Variants in SLC44A4 observed in about 807,000 individuals in gnomAD.
SLC44A4 encodes solute carrier family 44 member 4, also known as choline transporter-like protein 4.
A neutral mutation model predicts 97.0 loss-of-function variants in SLC44A4; 74 were observed. That is an observed-to-expected ratio of 0.76 (90% CI 0.63 to 0.93). The LOEUF is 0.93. Ranked by LOEUF, SLC44A4 falls within the 40% of genes least tolerant of loss-of-function variation. The pLI is 0.00. For missense variants in SLC44A4, 799 were observed against 902.9 expected (o/e 0.88, Z 1.48); for synonymous variants, 325 against 363.8 (o/e 0.89, Z 1.21).
rs771066617 is a variant in SLC44A4, at chr6:31,876,103, A to C, written c.116T>G (p.Val39Gly). 13 of 1,614,024 alleles carry C rather than the reference A, an allele frequency of 8.1e-6. No individual in the cohort carries two copies. The highest frequency in any genetic ancestry group is 1.0e-5 in the Non-Finnish European group (12 of 1,180,000). Residue 39 changes from valine to glycine, a missense_variant, in exon 3 of 21, where the codon GTC becomes GGC. Physicochemically the swap from Val to Gly is moderately radical, Grantham distance 109. Coordinates refer to ENST00000229729, the MANE Select transcript of SLC44A4 (RefSeq NM_025257.3). The surrounding 1 kb of genome is among the most constrained non-coding windows in gnomAD (Gnocchi z 4.8). Reference protein sequence around the residue: ...NRSCTDVICCVLFLLFILGYI... With the variant: ...NRSCTDVICCGLFLLFILGYI... ...ACCTAGAATGAAGAGCAGGAAGAGG[A>C]CGCAGCAGATGACATCTGTGCAGCT... is the stretch of plus-strand genomic sequence containing the variant.
At chr6:31,871,258 G>A in intron 9 of SLC44A4, 56 bp downstream of exon 9, 1 of 1,524,998 alleles carries the variant, frequency 6.6e-7, no homozygotes, top group Non-Finnish European at 9.1e-7. Context: ...CGAGGGGGTA[G>A]AGGATCAGGG....
chr6:31,875,779 G>T, intron 4 of SLC44A4, 73 bp downstream of exon 4: 2 of 1,361,394 alleles, frequency 1.5e-6, no homozygotes, highest in South Asian at 1.3e-5. Context: ...TCTGGAGCCT[G>T]AGTTGGGGGG....
chr6:31,866,239 T>C, intron 13 of SLC44A4, 113 bp from the exon 14 acceptor site: 2 of 1,364,736 alleles, frequency 1.5e-6, no homozygotes, highest in Admixed American at 2.2e-5. Context: ...AGGTGGGAAG[T>C]AGCTTCTCTG....
rs538679429 is a variant in SLC44A4 at position 31,863,548 on chromosome 6, T to TG, written c.*78dup. On this transcript the variant is annotated 3_prime_UTR_variant, in exon 21 of 21. Transcript: ENST00000229729. ...CCTAAAACCTTTTTTTACCACAAAATGGAGACCTGTAAGGCGAAGTGAGGT... is the reference window on the plus strand; with the variant it reads ...CCTAAAACCTTTTTTTACCACAAAATGGGAGACCTGTAAGGCGAAGTGAGGT... 18 of 1,524,078 alleles carry TG rather than the reference T, an allele frequency of 1.2e-5. No individual in the cohort carries two copies. The South Asian group carries it at 1.9e-4, about 16-fold the overall frequency. The allele number at this position is 1,524,078 out of a possible 1,614,324, so 94.4% of individuals were successfully genotyped here.
rs1763461185 is a variant in SLC44A4, at chr6:31,876,656, T to C, written c.89+378A>G. On this transcript the variant is annotated intron_variant, in intron 2 of 20. Coordinates refer to ENST00000229729, the MANE Select transcript of SLC44A4 (RefSeq NM_025257.3). This position sits in a 1 kb window ranked among gnomAD's most constrained non-coding sequence, Gnocchi z 4.8. ...CGGAAGGCTAGGGCAGGAGGATCAC[T>C]TGAGCACAGGAGTTCGAGCCTGCAG... Among the ~76,000 whole-genome samples the C allele has an allele frequency of 6.6e-6, 1 of 152,018 alleles. No individual in the cohort carries two copies. The highest frequency in any genetic ancestry group is 1.9e-4 in the East Asian group (1 of 5,172).
intron 7 of SLC44A4, among the ~76,000 whole-genome samples, chr6:31,873,001 C>T (rs540987278): frequency 1.3e-5 from 2 of 152,070 alleles, no homozygotes; most frequent in South Asian, 2.1e-4. Flanking sequence ...TTCAGCCTCC[C>T]GAGTAGCTGG....
At position 31,866,012 on chromosome 6, in the gene SLC44A4, G is replaced by T; in HGVS notation, c.1348C>A (p.Leu450Ile). ...AGTACCCAGTTAAGGGTCCAGAAGA[G>T]CCCCAGGACCCCATAGATTTGCAGA... Reference protein sequence around the residue: ...FNLQIYGVLGLFWTLNWVLAL... With the variant: ...FNLQIYGVLGIFWTLNWVLAL... The change falls in exon 14 of 21, where the codon CTC (leucine) becomes ATC (isoleucine). Residue 450 changes from leucine (L) to isoleucine (I), a missense_variant. Physicochemically the swap from Leu to Ile is conservative, Grantham distance 5. This residue lies in a region of SLC44A4 where 379 missense variants were observed against 438.3 expected (regional missense o/e 0.86). Coordinates refer to ENST00000229729, the MANE Select transcript of SLC44A4 (RefSeq NM_025257.3). 6.2e-7 allele frequency: 1 copy of T among 1,614,220 alleles called. No homozygotes were observed. Among genetic ancestry groups the T allele is most frequent in the Non-Finnish European group, 8.5e-7 (1 of 1,180,034 alleles).
Position 31,876,816 on chromosome 6 carries a change from G to A in SLC44A4, c.89+218C>T, listed in dbSNP as rs139420289. ...GGTGAGTTCTCTCGCTTGTGAAGCC[G>A]GCACTTAAGTCAAGAAACAGAACAT... On this transcript the variant is annotated intron_variant, in intron 2 of 20. Transcript: ENST00000229729. This position sits in a 1 kb window ranked among gnomAD's most constrained non-coding sequence, Gnocchi z 4.8. 2.1e-4 allele frequency among the ~76,000 whole-genome samples: 32 copies of A among 151,878 alleles called. No individual in the cohort carries two copies. Among genetic ancestry groups the A allele is most frequent in the African/African-American group, 7.3e-4 (30 of 41,346 alleles).
In SLC44A4 at chr6:31,864,737, C is replaced by T. The variant is rs1562440502; in HGVS notation, c.1927-1G>A. On this transcript the variant is annotated splice_acceptor_variant, in intron 19 of 20. Transcript: ENST00000229729. LOFTEE classifies it high-confidence loss of function. ...TGACATAGGCCCCCAGGATGGAGGTCTGGAAGACATGACCCGTTGGGGTTA... is the reference window on the plus strand; with the variant it reads ...TGACATAGGCCCCCAGGATGGAGGTTTGGAAGACATGACCCGTTGGGGTTA... 1 of 1,613,978 alleles carries T rather than the reference C, an allele frequency of 6.2e-7. No homozygotes were observed. The highest frequency in any genetic ancestry group is 1.3e-5 in the African/African-American group (1 of 74,890).
chr6:31,863,732 C>G lies in SLC44A4; in HGVS notation c.2028G>C (p.Arg676=). The G allele has an allele frequency of 6.2e-7, 1 of 1,612,780 alleles. No homozygotes were observed. The highest frequency in any genetic ancestry group is 8.5e-7 in the Non-Finnish European group (1 of 1,179,944). ...LFLCFLEDLE[R]NNGSLDRPYY... ...AGGGCCGGTCCAGGGAGCCGTTGTT[C>G]CGCTCCAGGTCTTCCACTGAGCCGC... Residue 676 remains arginine, a synonymous_variant, in exon 21 of 21, where the codon CGG becomes CGC. Transcript: ENST00000229729.
chr6:31,871,308 A>T lies in SLC44A4; in HGVS notation c.701+6T>A. 6.2e-7 allele frequency: 1 copy of T among 1,611,586 alleles called. No homozygotes were observed. Among genetic ancestry groups the T allele is most frequent in the East Asian group, 2.2e-5 (1 of 44,878 alleles). ...GACACAAGAGGAGGGGAATCTGGTG[A>T]CTCACACAAGAATCCAATACCAGGA... On this transcript the variant is annotated splice_donor_region_variant and intron_variant, in intron 9 of 20. Coordinates refer to ENST00000229729, the MANE Select transcript of SLC44A4 (RefSeq NM_025257.3).
rs748254859 is a variant in SLC44A4, at chr6:31,864,894, AAAG to A, written c.1845_1847del (p.Phe618del). The A allele has an allele frequency of 3.9e-4, 634 of 1,614,012 alleles. No individual in the cohort carries two copies. Among genetic ancestry groups the A allele is most frequent in the African/African-American group, 1.9e-3 (142 of 75,008 alleles). On this transcript the variant is annotated inframe_deletion, in exon 19 of 21. Transcript: ENST00000229729. ...GCCCCGGGATGCGACCGGAGAAAAA[AAAG>A]AAGGACAGGACCCCTGTGGAATAAT...
At chr6:31,864,547 C>T in intron 20 of SLC44A4, 105 bp downstream of exon 20, 1 of 1,091,674 alleles carries the variant, frequency 9.2e-7, no homozygotes, top group Non-Finnish European at 1.4e-6. Flanking sequence ...GTTTAGCTCA[C>T]AAAGGCATTG....
intron 11 of SLC44A4, among the ~76,000 whole-genome samples, chr6:31,869,840 C>T (rs1266734334): frequency 1.3e-5 from 2 of 152,184 alleles, no homozygotes; most frequent in African/African-American, 4.8e-5. Flanking sequence ...AAAAAATTAG[C>T]CGGGCATGGT....
In SLC44A4 at chr6:31,865,682, A is replaced by G; in HGVS notation, c.1582+8T>C. The G allele has an allele frequency of 1.2e-6, 2 of 1,613,142 alleles. No homozygotes were observed. The highest frequency in any genetic ancestry group is 2.7e-5 in the African/African-American group (2 of 75,042). ...AGCTCCTGACTCCTACTCCGACTCC[A>G]GACTCACCTCTGAGCTTGTGGTCAA... On this transcript the variant is annotated splice_region_variant and intron_variant, in intron 15 of 20. Coordinates refer to ENST00000229729, the MANE Select transcript of SLC44A4 (RefSeq NM_025257.3). The surrounding 1 kb of genome is among the most constrained non-coding windows in gnomAD (Gnocchi z 5.2).
intron 12 of SLC44A4, 30 bp downstream of exon 12, chr6:31,869,515 A>G (rs1167509044): frequency 6.4e-7 from 1 of 1,560,648 alleles, no homozygotes; most frequent in Admixed American, 1.8e-5. Flanking sequence ...CAGGACTCCA[A>G]GAGTGGCTGG....
chr6:31,877,052 C>T lies in SLC44A4; in HGVS notation c.71G>A (p.Arg24Gln), dbSNP rs537674853. 34 of 1,609,972 alleles carry T rather than the reference C, an allele frequency of 2.1e-5. No homozygotes were observed. Among genetic ancestry groups the T allele is most frequent in the Admixed American group, 1.5e-4 (9 of 59,544 alleles). The part of the protein sequence containing the change: ...GKPVKYDPSF[R>Q]GPIKNRSCTD... ...AGCTCACCTGTTCTTGATGGGGCCTCGAAAGGAGGGGTCGTATTTGACTGG... is the reference window on the plus strand; with the variant it reads ...AGCTCACCTGTTCTTGATGGGGCCTTGAAAGGAGGGGTCGTATTTGACTGG... The change falls in exon 2 of 21, where the codon CGA becomes CAA. Residue 24 changes from arginine (R) to glutamine (Q), a missense_variant. This residue lies in a region of SLC44A4 where 409 missense variants were observed against 434.1 expected (regional missense o/e 0.94). Coordinates refer to ENST00000229729, the MANE Select transcript of SLC44A4 (RefSeq NM_025257.3). The surrounding 1 kb of genome is among the most constrained non-coding windows in gnomAD (Gnocchi z 6.5).
Position 31,874,558 on chromosome 6 carries a change from A to G in SLC44A4, c.469-38T>C. ...TGAAAGGACAGACACACAGACACAGAGCAGGATGAAGAAGCAGGTCCCCTC... is the reference window on the plus strand; with the variant it reads ...TGAAAGGACAGACACACAGACACAGGGCAGGATGAAGAAGCAGGTCCCCTC... On this transcript the variant is annotated intron_variant, in intron 6 of 20. Coordinates refer to ENST00000229729, the MANE Select transcript of SLC44A4 (RefSeq NM_025257.3). The surrounding 1 kb of genome is among the most constrained non-coding windows in gnomAD (Gnocchi z 4.8). The G allele has an allele frequency of 6.2e-7, 1 of 1,604,256 alleles. No individual in the cohort carries two copies. The highest frequency in any genetic ancestry group is 8.5e-7 in the Non-Finnish European group (1 of 1,174,942).
In SLC44A4 at chr6:31,874,365, T is replaced by A; in HGVS notation, c.529+95A>T. ...AATTCCAATTTTGCCACCAACAAGC[T>A]ATGTGACTTCACTCTCTCTGGGCCT... is the stretch of plus-strand genomic sequence containing the variant. On this transcript the variant is annotated intron_variant, in intron 7 of 20. Coordinates refer to ENST00000229729, the MANE Select transcript of SLC44A4 (RefSeq NM_025257.3). The surrounding 1 kb of genome is among the most constrained non-coding windows in gnomAD (Gnocchi z 4.8). The A allele has an allele frequency of 7.1e-7, 1 of 1,402,134 alleles. No homozygotes were observed. The highest frequency in any genetic ancestry group is 1.2e-5 in the South Asian group (1 of 84,448). The allele number at this position is 1,402,134 out of a possible 1,614,324, so 86.9% of individuals were successfully genotyped here.
Sources: allele counts gnomAD v4.1 joint callset (sites outside exome capture counted in the v4.1 genomes callset), GRCh38; gene constraint gnomAD v4.1.1; regional missense constraint gnomAD v4.1.1; non-coding constraint Gnocchi (gnomAD v3.1); transcripts MANE v1.5; gene names NCBI Gene and HGNC (gene_info 2026-07-23, HGNC 2026-07-21).